CNTNAP2: variants seen among roughly 807,000 people sequenced by gnomAD.
CNTNAP2 encodes contactin associated protein 2.
CNTNAP2 carries 98 observed loss-of-function variants against 155.2 expected under a neutral mutation model. That is an observed-to-expected ratio of 0.63 (90% CI 0.54 to 0.75). CNTNAP2 has a LOEUF of 0.75. Ranked by LOEUF, CNTNAP2 falls within the 30% of genes least tolerant of loss-of-function variation. The pLI, the probability that CNTNAP2 is intolerant of heterozygous loss-of-function variation, is 0.00. For synonymous variants in CNTNAP2, 651 were observed against 631.2 expected, an observed-to-expected ratio of 1.03 and a Z score of -0.47; for missense variants, 1,727 against 1,688.1, an observed-to-expected ratio of 1.02 and a Z score of -0.40.
At chr7:148,087,826 G>T (rs188328530) in intron 15 of CNTNAP2, among the ~76,000 whole-genome samples, 2 of 152,160 alleles carry the variant, frequency 1.3e-5, no homozygotes, top group East Asian at 1.9e-4. Flanking sequence ...CAGTGCTGCT[G>T]CTTAACTATA....
At position 147,988,629 on chromosome 7, in the gene CNTNAP2, C is replaced by T. The variant is rs372051573; in HGVS notation, c.2383+10640C>T. Among the ~76,000 whole-genome samples the T allele has an allele frequency of 1.1e-4, 17 of 152,240 alleles. No individual in the cohort carries two copies. In the East Asian group the frequency reaches 3.1e-3, roughly 28 times the overall value. The stretch of plus-strand genomic sequence containing the variant: ...AATCAGAGTTTAGTCCTCAGTGTGG[C>T]TGGATGGGTTCTGCCTCCTCCATGT... On this transcript the variant is annotated intron_variant, in intron 15 of 23. Coordinates refer to ENST00000361727, the MANE Select transcript of CNTNAP2 (RefSeq NM_014141.6).
At chr7:146,611,504 T>A (rs989443756) in intron 1 of CNTNAP2, among the ~76,000 whole-genome samples, 1 of 152,232 alleles carries the variant, frequency 6.6e-6, no homozygotes, top group African/African-American at 2.4e-5. Flanking sequence ...ATATAAAATT[T>A]GCTGCCTTTT....
chr7:146,143,912 G>A (rs375256322), intron 1 of CNTNAP2, among the ~76,000 whole-genome samples: 41 of 151,988 alleles, frequency 2.7e-4, no homozygotes, highest in African/African-American at 9.9e-4. Context: ...ACAGGCATGT[G>A]CCACCATCCC....
At chr7:146,912,092 G>A (rs978455164) in intron 3 of CNTNAP2, among the ~76,000 whole-genome samples, 27 of 150,804 alleles carry the variant, frequency 1.8e-4, no homozygotes, top group Non-Finnish European at 3.5e-4. Context: ...CCTGAATCAC[G>A]ATGTTTTAAA....
intron 13 of CNTNAP2, among the ~76,000 whole-genome samples, chr7:147,667,712 T>A (rs1358876766): frequency 6.6e-6 from 1 of 151,972 alleles, no homozygotes; most frequent in Non-Finnish European, 1.5e-5. Flanking sequence ...ACACCACCTC[T>A]TTGATTCAAC....
chr7:148,118,958 G>T (rs562698089), intron 16 of CNTNAP2, among the ~76,000 whole-genome samples: 1 of 152,364 alleles, frequency 6.6e-6, no homozygotes, highest in South Asian at 2.1e-4. Context: ...TCCGTCAGTG[G>T]AAGGTGGGGG....
chr7:146,423,904 C>T (rs1347278899), intron 1 of CNTNAP2, among the ~76,000 whole-genome samples: 1 of 152,036 alleles, frequency 6.6e-6, no homozygotes, highest in African/African-American at 2.4e-5. Flanking sequence ...AAATGTATCA[C>T]GTTACTCAAT....
intron 1 of CNTNAP2, among the ~76,000 whole-genome samples, chr7:146,186,923 G>C (rs928601426): frequency 6.6e-6 from 1 of 152,076 alleles, no homozygotes; most frequent in Non-Finnish European, 1.5e-5. Flanking sequence ...CAAGAACCTA[G>C]TAAATATTAA....
chr7:147,349,184 C>A (rs75892222), intron 9 of CNTNAP2, among the ~76,000 whole-genome samples: 1 of 151,882 alleles, frequency 6.6e-6, no homozygotes, highest in Admixed American at 6.6e-5. Context: ...AGGATGAATA[C>A]GCTAATTATC....
At chr7:147,816,355 C>T (rs1412761936) in intron 13 of CNTNAP2, among the ~76,000 whole-genome samples, 3 of 151,908 alleles carry the variant, frequency 2.0e-5, no homozygotes, top group South Asian at 2.1e-4. Flanking sequence ...GTAGCAAAGA[C>T]GGGTATGTAC....
chr7:147,933,233 G>GTA (rs1563139903), intron 14 of CNTNAP2, among the ~76,000 whole-genome samples: 1 of 152,030 alleles, frequency 6.6e-6, no homozygotes, highest in Admixed American at 6.6e-5. Flanking sequence ...GTGCAGCTGT[G>GTA]TATATATATG....
intron 1 of CNTNAP2, among the ~76,000 whole-genome samples, chr7:146,688,615 G>A (rs949410750): frequency 2.4e-4 from 36 of 152,084 alleles, no homozygotes; most frequent in African/African-American, 7.5e-4. Flanking sequence ...GGTGGGACAC[G>A]AGCAAATCAC....
intron 11 of CNTNAP2, among the ~76,000 whole-genome samples, chr7:147,490,814 G>T (rs191371074): frequency 1.2e-4 from 19 of 152,302 alleles, no homozygotes; most frequent in Admixed American, 1.3e-4. Context: ...TGTAGCCGGG[G>T]AGGCCTCAGG....
At chr7:146,631,002 C>A (rs866701707) in intron 1 of CNTNAP2, among the ~76,000 whole-genome samples, 12 of 151,936 alleles carry the variant, frequency 7.9e-5, no homozygotes, top group Middle Eastern at 3.2e-3. Flanking sequence ...TTTACAGGTT[C>A]AATGTTATTC....
chr7:148,006,362 CTGGA>C (rs1364774018), intron 15 of CNTNAP2, among the ~76,000 whole-genome samples: 2 of 142,968 alleles, frequency 1.4e-5, no homozygotes, highest in Non-Finnish European at 3.0e-5. Context: ...CTCTGTTGCC[CTGGA>C]TGGAGTACAG....
chr7:146,116,929 T>G lies in CNTNAP2; in HGVS notation c.53T>G (p.Val18Gly). ...GGGGCAGCGCTCCTGCTGTGGATTG[T>G]CAGCAGCTGCCTCTGCAGAGCCTGG... Reference protein sequence around the residue: ...GCGAALLLWIVSSCLCRAWTA... With the variant: ...GCGAALLLWIGSSCLCRAWTA... Residue 18 changes from valine (V) to glycine (G), a missense_variant, in exon 1 of 24, where the codon GTC becomes GGC. Transcript: ENST00000361727. This position sits in a 1 kb window ranked among gnomAD's most constrained non-coding sequence, Gnocchi z 5.5. 1 of 1,552,708 alleles carries G rather than the reference T, an allele frequency of 6.4e-7. No homozygotes were observed. Among genetic ancestry groups the G allele is most frequent in the Non-Finnish European group, 8.7e-7 (1 of 1,147,850 alleles).
chr7:147,729,408 ACACACACG>A (rs1796700098), intron 13 of CNTNAP2, among the ~76,000 whole-genome samples: 1 of 50,184 alleles, frequency 2.0e-5, no homozygotes, highest in Non-Finnish European at 3.6e-5. Flanking sequence ...GAAAACATGC[ACACACACG>A]CACACACACA....
intron 17 of CNTNAP2, among the ~76,000 whole-genome samples, chr7:148,166,000 T>C (rs908600303): frequency 3.1e-4 from 47 of 152,122 alleles, no homozygotes; most frequent in African/African-American, 8.9e-4. Flanking sequence ...CCTTACCTTT[T>C]TCCTGAAGCC....
rs1260758957 is a variant in CNTNAP2, at chr7:148,033,592, A to G, written c.2383+55603A>G. On this transcript the variant is annotated intron_variant, in intron 15 of 23. Coordinates refer to ENST00000361727, the MANE Select transcript of CNTNAP2 (RefSeq NM_014141.6). ...GCTTAATCCTGAGATTCTGAGCAAG[A>G]CAACCTCCTTTAGAGATGTCTATTG... 3.9e-5 allele frequency among the ~76,000 whole-genome samples: 6 copies of G among 152,300 alleles called. No individual in the cohort carries two copies. The East Asian group carries it at 9.7e-4, about 25-fold the overall frequency.
Sources: allele counts gnomAD v4.1 joint callset (sites outside exome capture counted in the v4.1 genomes callset), GRCh38; gene constraint gnomAD v4.1.1; non-coding constraint Gnocchi (gnomAD v3.1); transcripts MANE v1.5; gene names NCBI Gene and HGNC (gene_info 2026-07-23, HGNC 2026-07-21).